Variants in LRRC4C observed in about 807,000 individuals in gnomAD.
LRRC4C encodes leucine rich repeat containing 4C, also known as leucine-rich repeat-containing protein 4C.
In LRRC4C, 5 loss-of-function variants were observed where a neutral mutation model predicts 33.6. The observed-to-expected ratio is 0.15, with a 90% CI of 0.08 to 0.31. The LOEUF (loss-of-function observed/expected upper bound fraction) is 0.31. LRRC4C is among the 10% of genes least tolerant of loss of function. LRRC4C has a pLI of 1.00. For synonymous variants in LRRC4C, 329 were observed against 302.0 expected (o/e 1.09, Z -0.93); for missense variants, 560 against 796.7 (o/e 0.70, Z 3.58).
At chr11:41,080,184 C>T (rs757736826) in intron 1 of LRRC4C, among the ~76,000 whole-genome samples, 18 of 151,994 alleles carry the variant, frequency 1.2e-4, no homozygotes, top group Admixed American at 2.6e-4. Context: ...ATTTCCAAGC[C>T]ATTTTTAAAA....
chr11:40,833,999 A>C (rs766617207), intron 2 of LRRC4C, among the ~76,000 whole-genome samples: 5 of 152,128 alleles, frequency 3.3e-5, no homozygotes, highest in Non-Finnish European at 7.4e-5. Context: ...CTTTATAAAA[A>C]ATCTGTTTGT....
chr11:40,707,701 G>C (rs963207133), intron 2 of LRRC4C, among the ~76,000 whole-genome samples: 2 of 152,080 alleles, frequency 1.3e-5, no homozygotes, highest in African/African-American at 4.8e-5. Context: ...CCCAGCTTTG[G>C]TATCAGGATG....
At chr11:40,606,355 TTA>T (rs1194391923) in intron 3 of LRRC4C, among the ~76,000 whole-genome samples, 2 of 152,114 alleles carry the variant, frequency 1.3e-5, no homozygotes, top group Non-Finnish European at 2.9e-5. Flanking sequence ...CACACATAAG[TTA>T]AGACACAACA....
intron 1 of LRRC4C, among the ~76,000 whole-genome samples, chr11:40,984,369 A>AAGAG (rs1353873696): frequency 3.5e-5 from 2 of 56,986 alleles, no homozygotes; most frequent in African/African-American, 1.1e-4. Flanking sequence ...AGAAAAAAGA[A>AAGAG]AGAAAGAAAG....
intron 1 of LRRC4C, among the ~76,000 whole-genome samples, chr11:41,308,052 A>T (rs1344853443): frequency 6.6e-6 from 1 of 152,218 alleles, no homozygotes; most frequent in Non-Finnish European, 1.5e-5. Flanking sequence ...TCAGCAGATC[A>T]GCAAATAGGC....
At chr11:40,713,460 A>G (rs956741554) in intron 2 of LRRC4C, among the ~76,000 whole-genome samples, 4 of 152,162 alleles carry the variant, frequency 2.6e-5, no homozygotes, top group African/African-American at 9.6e-5. Flanking sequence ...GCAGACTAAT[A>G]TGTCAGGATT....
At chr11:40,856,547 G>A (rs1953791678) in intron 2 of LRRC4C, among the ~76,000 whole-genome samples, 1 of 152,118 alleles carries the variant, frequency 6.6e-6, no homozygotes, top group Admixed American at 6.5e-5. Context: ...TTTTATTTAT[G>A]GAGGAATATC....
chr11:40,755,051 A>T (rs1948878762), intron 2 of LRRC4C, among the ~76,000 whole-genome samples: 1 of 152,134 alleles, frequency 6.6e-6, no homozygotes, highest in South Asian at 2.1e-4. Context: ...TAAATTGAGA[A>T]GCTCTATTCC....
intron 1 of LRRC4C, among the ~76,000 whole-genome samples, chr11:41,036,052 A>G (rs1378460573): frequency 7.1e-6 from 1 of 140,978 alleles, no homozygotes; most frequent in African/African-American, 2.6e-5. Flanking sequence ...ACTTCCTTTA[A>G]AAATTTTGTC....
chr11:41,394,379 T>C (rs757334089), intron 1 of LRRC4C, among the ~76,000 whole-genome samples: 3 of 151,852 alleles, frequency 2.0e-5, no homozygotes, highest in Non-Finnish European at 1.5e-5. Context: ...AGGAATAGAG[T>C]ATGCGTCTCT....
chr11:40,952,171 G>A (rs1958722273), intron 1 of LRRC4C, among the ~76,000 whole-genome samples: 3 of 151,882 alleles, frequency 2.0e-5, no homozygotes, highest in Admixed American at 6.6e-5. Context: ...TTAGCAATGT[G>A]AGTGACTAAG....
chr11:40,299,997 T>C (rs565623893), intron 4 of LRRC4C, among the ~76,000 whole-genome samples: 2 of 152,282 alleles, frequency 1.3e-5, no homozygotes, highest in African/African-American at 4.8e-5. Flanking sequence ...AATTGGCTCA[T>C]GGTTCTGCTC....
At chr11:40,956,463 A>T (rs957304830) in intron 1 of LRRC4C, among the ~76,000 whole-genome samples, 26 of 151,868 alleles carry the variant, frequency 1.7e-4, no homozygotes, top group African/African-American at 5.8e-4. Flanking sequence ...TTAGTACAAG[A>T]TCTGCTATGT....
At chr11:41,443,551 T>G (rs890555012) in intron 1 of LRRC4C, among the ~76,000 whole-genome samples, 1 of 148,296 alleles carries the variant, frequency 6.7e-6, no homozygotes, top group Non-Finnish European at 1.5e-5. Context: ...ATAAAGGGAG[T>G]CTCTCTCTCC....
chr11:40,474,895 CAAT>C (rs76525342), intron 3 of LRRC4C, among the ~76,000 whole-genome samples: 54,315 of 151,700 alleles, frequency 0.36, 10,083 homozygotes, highest in East Asian at 0.57. Context: ...ATCAAAACCA[CAAT>C]GAGATACCAT....
At chr11:41,422,171 T>C (rs188425808) in intron 1 of LRRC4C, among the ~76,000 whole-genome samples, 1 of 152,120 alleles carries the variant, frequency 6.6e-6, no homozygotes, top group Non-Finnish European at 1.5e-5. Context: ...CTGCCTATTG[T>C]CATTGTTCTG....
Position 40,265,321 on chromosome 11 carries a change from T to G in LRRC4C, c.-175-23723A>C, listed in dbSNP as rs544373379. 1.1e-4 allele frequency among the ~76,000 whole-genome samples: 16 copies of G among 152,322 alleles called. 1 individual carries two copies. In the East Asian group the frequency reaches 2.9e-3, roughly 28 times the overall value. ...TTATGTGCGGACTTTCCCGTGTCAT[T>G]TTATTATTGCAGCTGTTGAAGTAAC... On this transcript the variant is annotated intron_variant, in intron 4 of 6. Coordinates refer to ENST00000528697, the MANE Select transcript of LRRC4C (RefSeq NM_001258419.2).
At chr11:40,317,572 T>C (rs1163674788) in intron 4 of LRRC4C, among the ~76,000 whole-genome samples, 1 of 152,134 alleles carries the variant, frequency 6.6e-6, no homozygotes, top group African/African-American at 2.4e-5. Flanking sequence ...TCATATTTCC[T>C]GAAACCCATG....
chr11:41,278,026 C>T lies in LRRC4C; in HGVS notation c.-496+181405G>A, dbSNP rs547231817. ...AGAGTACAATGGTGGTTACCAGAAG[C>T]TGGGGTGATTATGGAAGAGAAAGGC... On this transcript the variant is annotated intron_variant, in intron 1 of 6. Coordinates refer to ENST00000528697, the MANE Select transcript of LRRC4C (RefSeq NM_001258419.2). 2.6e-3 allele frequency among the ~76,000 whole-genome samples: 402 copies of T among 152,080 alleles called. 7 individuals are homozygous for T. The highest frequency in any genetic ancestry group is 7.8e-4 in the Non-Finnish European group (53 of 67,968).
Sources: gnomAD v4.1 joint callset for allele counts (sites outside exome capture counted in the v4.1 genomes callset) on GRCh38, gnomAD v4.1.1 for gene constraint, MANE v1.5 for transcripts, NCBI Gene and HGNC (gene_info 2026-07-23, HGNC 2026-07-21) for gene names.